Variants in OR51B5 observed in about 807,000 individuals in gnomAD.
OR51B5 encodes olfactory receptor 51B5.
For missense variants in OR51B5, 456 were observed against 374.6 expected (o/e 1.22, Z -1.79); for synonymous variants, 186 against 144.8 (o/e 1.28, Z -2.04).
chr11:5,447,719 A>C (rs1498494), intron 1 of OR51B5, among the ~76,000 whole-genome samples: 63,949 of 151,854 alleles, frequency 0.42, 15,390 homozygotes, highest in Non-Finnish European at 0.55. Context: ...AGGAAGAAGG[A>C]ACTTGTACCC....
intron 1 of OR51B5, among the ~76,000 whole-genome samples, chr11:5,467,666 G>T (rs1261841910): frequency 1.3e-5 from 2 of 152,180 alleles, no homozygotes; most frequent in African/African-American, 2.4e-5. Context: ...CTGTGAATTT[G>T]CTGACAGCCT....
chr11:5,343,524 T>A (rs1187173810), exon 1 of OR51B5: 4 of 867,360 alleles, frequency 4.6e-6, no homozygotes, highest in Non-Finnish European at 7.6e-6. Flanking sequence ...CTGGACGACA[T>A]CCTGGGTTTA....
At chr11:5,413,101 G>A (rs929430954) in intron 1 of OR51B5, among the ~76,000 whole-genome samples, 4 of 152,136 alleles carry the variant, frequency 2.6e-5, no homozygotes, top group East Asian at 1.9e-4. Context: ...CCAGAGGAAC[G>A]ATCAGACAGC....
intron 1 of OR51B5, among the ~76,000 whole-genome samples, chr11:5,397,618 T>A: frequency 6.6e-6 from 1 of 151,472 alleles, no homozygotes. Flanking sequence ...GTAAACTAGT[T>A]CAAACATTGT....
rs566448401 is a variant in OR51B5 at position 5,407,394 on chromosome 11, A to C, written n.85-60484T>G. On this transcript the variant is annotated intron_variant and non_coding_transcript_variant, in intron 1 of 4. Coordinates refer to the OR51B5 transcript ENST00000415970. ...AGTTTCAGCTGCCTTAAATACATGA[A>C]ACTTTCTGACTTCGCAGAATTGCAT... is the stretch of plus-strand genomic sequence containing the variant. Among the ~76,000 whole-genome samples, 31 of 152,240 alleles carry C rather than the reference A, an allele frequency of 2.0e-4. No individual in the cohort carries two copies. The South Asian group carries it at 3.7e-3, about 18-fold the overall frequency.
chr11:5,389,880 T>C, intron 1 of OR51B5: 2 of 1,613,230 alleles, frequency 1.2e-6, no homozygotes, highest in South Asian at 1.1e-5. Flanking sequence ...CTAATTGTCA[T>C]CTTCCGGGGA....
chr11:5,431,616 G>C (rs1850536276), intron 1 of OR51B5: 1 of 154,828 alleles, frequency 6.5e-6, no homozygotes, highest in South Asian at 2.0e-4. Flanking sequence ...ACCAACAGCA[G>C]AGATCAGTCT....
intron 1 of OR51B5, among the ~76,000 whole-genome samples, chr11:5,377,057 C>G (rs1251372211): frequency 6.6e-6 from 1 of 152,004 alleles, no homozygotes; most frequent in South Asian, 2.1e-4. Context: ...TGCAAAAATC[C>G]TCAATAAAAT....
chr11:5,342,772 G>A, exon 1 of OR51B5: 4 of 1,613,582 alleles, frequency 2.5e-6, no homozygotes, highest in Non-Finnish European at 3.4e-6. Context: ...CAATCACTGT[G>A]ACATAAAAAA....
At chr11:5,377,848 G>C (rs1433076660) in intron 1 of OR51B5, among the ~76,000 whole-genome samples, 1 of 152,018 alleles carries the variant, frequency 6.6e-6, no homozygotes, top group Non-Finnish European at 1.5e-5. Flanking sequence ...CATGCTTATG[G>C]GTAGGAAGAA....
chr11:5,345,091 C>T (rs375108569), upstream of OR51B5, among the ~76,000 whole-genome samples: 1 of 152,158 alleles, frequency 6.6e-6, no homozygotes, highest in African/African-American at 2.4e-5. Flanking sequence ...AGGTAGTAAT[C>T]AAGTGTCATA....
At chr11:5,489,851 C>T (rs1254990352) in intron 1 of OR51B5, 1 of 572,200 alleles carries the variant, frequency 1.7e-6, no homozygotes, top group East Asian at 2.8e-5. Flanking sequence ...CCTGAGGCTC[C>T]TTGGGGAACT....
intron 1 of OR51B5, among the ~76,000 whole-genome samples, chr11:5,388,465 G>A (rs1159444652): frequency 6.6e-6 from 1 of 150,726 alleles, no homozygotes; most frequent in Admixed American, 6.7e-5. Context: ...AAGTTAACTA[G>A]ACAAAGATTA....
At chr11:5,465,002 C>T (rs898767705) in intron 1 of OR51B5, among the ~76,000 whole-genome samples, 31 of 151,920 alleles carry the variant, frequency 2.0e-4, no homozygotes, top group South Asian at 2.1e-4. Flanking sequence ...GTCAGGAGAT[C>T]GAGACCATCC....
intron 1 of OR51B5, among the ~76,000 whole-genome samples, chr11:5,379,239 C>T (rs935196526): frequency 2.6e-5 from 4 of 151,990 alleles, no homozygotes; most frequent in Non-Finnish European, 4.4e-5. Flanking sequence ...CATATTCTCA[C>T]TCATAGATGG....
intron 1 of OR51B5, among the ~76,000 whole-genome samples, chr11:5,488,521 G>A (rs1433069746): frequency 6.6e-6 from 1 of 152,128 alleles, no homozygotes; most frequent in East Asian, 1.9e-4. Flanking sequence ...TTAGCAGAAG[G>A]TTTTAAAATG....
At chr11:5,483,023 C>A (rs1190700980) in intron 1 of OR51B5, among the ~76,000 whole-genome samples, 6 of 138,376 alleles carry the variant, frequency 4.3e-5, no homozygotes, top group Non-Finnish European at 6.2e-5. Context: ...ACCCAAAGGA[C>A]TATAAATCAT....
At chr11:5,351,975 A>C (rs1472749980) in intron 1 of OR51B5, 1 of 1,613,294 alleles carries the variant, frequency 6.2e-7, no homozygotes, top group East Asian at 2.2e-5. Context: ...CCATTATGCC[A>C]ATAGTTGTTC....
intron 1 of OR51B5, among the ~76,000 whole-genome samples, chr11:5,492,725 C>T (rs974719799): frequency 2.0e-5 from 3 of 152,190 alleles, no homozygotes; most frequent in African/African-American, 7.2e-5. Context: ...CAACCTCTGC[C>T]TCCCAGGTTC....
Sources: gnomAD v4.1 joint callset for allele counts (sites outside exome capture counted in the v4.1 genomes callset) on GRCh38, gnomAD v4.1.1 for gene constraint, MANE v1.5 for transcripts, NCBI Gene and HGNC (gene_info 2026-07-23, HGNC 2026-07-21) for gene names.